Variants in PRKCE observed in about 807,000 individuals in gnomAD.
PRKCE encodes protein kinase C epsilon type.
PRKCE carries 16 observed loss-of-function variants against 85.4 expected under a neutral mutation model. The ratio of observed to expected loss-of-function variants is 0.19; its 90% CI spans 0.13 to 0.28. PRKCE has a LOEUF of 0.28. PRKCE is among the 10% of genes least tolerant of loss of function. The pLI is 1.00. For synonymous variants in PRKCE, 388 were observed against 371.5 expected (o/e 1.04, Z -0.51); for missense variants, 573 against 975.2 (o/e 0.59, Z 5.49).
intron 1 of PRKCE, among the ~76,000 whole-genome samples, chr2:45,797,633 C>G (rs988106463): frequency 1.3e-5 from 2 of 152,216 alleles, no homozygotes; most frequent in Admixed American, 6.5e-5. Flanking sequence ...TTAAACTGAC[C>G]TGTCTTTGGT....
At chr2:45,828,729 A>T (rs373203718) in intron 1 of PRKCE, among the ~76,000 whole-genome samples, 1 of 152,264 alleles carries the variant, frequency 6.6e-6, no homozygotes, top group East Asian at 1.9e-4. Context: ...TTACCTATAA[A>T]TGAGAGGAGT....
At chr2:45,778,049 G>T (rs761477316) in intron 1 of PRKCE, among the ~76,000 whole-genome samples, 2 of 131,290 alleles carry the variant, frequency 1.5e-5, no homozygotes, top group Non-Finnish European at 3.1e-5. Context: ...TTTGGGAGGA[G>T]CAAGTCAATT....
At chr2:45,898,567 T>A (rs1696328041) in intron 2 of PRKCE, among the ~76,000 whole-genome samples, 1 of 152,258 alleles carries the variant, frequency 6.6e-6, no homozygotes, top group Admixed American at 6.5e-5. Flanking sequence ...CCCCTGGGCT[T>A]TCCTATCTGG....
intron 6 of PRKCE, among the ~76,000 whole-genome samples, chr2:45,993,524 C>G (rs1380846134): frequency 6.6e-6 from 1 of 152,134 alleles, no homozygotes; most frequent in Non-Finnish European, 1.5e-5. Context: ...AAAAAAGATA[C>G]CCCCTTTGCC....
intron 1 of PRKCE, among the ~76,000 whole-genome samples, chr2:45,815,513 T>G (rs1688972685): frequency 6.6e-6 from 1 of 152,170 alleles, no homozygotes; most frequent in Admixed American, 6.5e-5. Context: ...TGCTTTGTCT[T>G]TTTCTTCCTC....
At chr2:46,022,974 T>C (rs1706796556) in intron 10 of PRKCE, among the ~76,000 whole-genome samples, 1 of 149,532 alleles carries the variant, frequency 6.7e-6, no homozygotes, top group Non-Finnish European at 1.5e-5. Context: ...TCCCAGCTAC[T>C]GGGGAGGCTG....
intron 2 of PRKCE, among the ~76,000 whole-genome samples, chr2:45,880,269 A>G (rs868853281): frequency 6.6e-6 from 1 of 152,246 alleles, no homozygotes; most frequent in African/African-American, 2.4e-5. Flanking sequence ...TTAATCTGTT[A>G]TCAGACACCT....
intron 1 of PRKCE, among the ~76,000 whole-genome samples, chr2:45,710,405 T>A (rs1041439571): frequency 2.0e-5 from 3 of 152,228 alleles, no homozygotes; most frequent in African/African-American, 7.2e-5. Context: ...AGTCCATACA[T>A]CCTCCAGAGT....
intron 2 of PRKCE, among the ~76,000 whole-genome samples, chr2:45,906,395 G>T (rs1696976785): frequency 6.6e-6 from 1 of 152,228 alleles, no homozygotes; most frequent in Non-Finnish European, 1.5e-5. Context: ...CTGCAGAATT[G>T]CTGTGAGGTA....
At chr2:45,928,566 G>A (rs572089040) in intron 2 of PRKCE, among the ~76,000 whole-genome samples, 85 of 152,274 alleles carry the variant, frequency 5.6e-4, no homozygotes, top group Non-Finnish European at 9.7e-4. Flanking sequence ...CACTGTGCCC[G>A]GCCCATAACT....
chr2:45,863,535 C>T (rs748510629), intron 2 of PRKCE, among the ~76,000 whole-genome samples: 5 of 152,010 alleles, frequency 3.3e-5, no homozygotes, highest in Non-Finnish European at 7.4e-5. Flanking sequence ...GTTAGGTGCT[C>T]ACGGGCCAAC....
intron 5 of PRKCE, among the ~76,000 whole-genome samples, chr2:45,982,547 C>T (rs1702979159): frequency 6.6e-6 from 1 of 152,192 alleles, no homozygotes; most frequent in Admixed American, 6.5e-5. Context: ...ACTGGTGTCA[C>T]ATTTTTTTTT....
In PRKCE at chr2:45,860,497, G is replaced by T. The variant is rs78462614; in HGVS notation, c.412+17434G>T. On this transcript the variant is annotated intron_variant, in intron 2 of 14. Transcript: ENST00000306156. ...TCTAGGGTGAGAACAGAATTTCCCA[G>T]GCCATTTTCTTTGCCCTTCTGTATG... 3.9e-3 allele frequency among the ~76,000 whole-genome samples: 595 copies of T among 152,270 alleles called. 3 individuals carry two copies. Among genetic ancestry groups the T allele is most frequent in the African/African-American group, 0.013 (545 of 41,542 alleles).
chr2:45,872,594 G>A (rs1037206466), intron 2 of PRKCE, among the ~76,000 whole-genome samples: 2 of 152,212 alleles, frequency 1.3e-5, no homozygotes, highest in African/African-American at 2.4e-5. Context: ...CTGAATCAGC[G>A]TGGTGGGGAT....
At chr2:45,947,465 A>G (rs1168827762) in intron 2 of PRKCE, among the ~76,000 whole-genome samples, 1 of 152,260 alleles carries the variant, frequency 6.6e-6, no homozygotes. Context: ...CAACAGGTGA[A>G]TTGTATAGTA....
chr2:46,122,458 C>T (rs959829828), intron 11 of PRKCE, among the ~76,000 whole-genome samples: 1 of 152,114 alleles, frequency 6.6e-6, no homozygotes, highest in African/African-American at 2.4e-5. Context: ...AAACTCCTGA[C>T]CTCAAGTGAT....
intron 1 of PRKCE, among the ~76,000 whole-genome samples, chr2:45,682,866 C>G (rs560297367): frequency 1.3e-5 from 2 of 152,262 alleles, no homozygotes; most frequent in Admixed American, 6.5e-5. Context: ...AGCCGCCACG[C>G]CCAGCCAAGA....
At chr2:45,805,888 C>T (rs1178397301) in intron 1 of PRKCE, among the ~76,000 whole-genome samples, 16 of 152,162 alleles carry the variant, frequency 1.1e-4, no homozygotes, top group Non-Finnish European at 1.6e-4. Flanking sequence ...CGTGAGCCAC[C>T]GCACCCAGCC....
intron 10 of PRKCE, among the ~76,000 whole-genome samples, chr2:46,023,969 A>T (rs1706893805): frequency 6.6e-6 from 1 of 152,222 alleles, no homozygotes; most frequent in South Asian, 2.1e-4. Flanking sequence ...CATCAACCCT[A>T]TGAGGTAGGA....
Sources: allele counts gnomAD v4.1 joint callset (sites outside exome capture counted in the v4.1 genomes callset), GRCh38; gene constraint gnomAD v4.1.1; transcripts MANE v1.5; gene names NCBI Gene and HGNC (gene_info 2026-07-23, HGNC 2026-07-21).